DNAH9: variants seen among roughly 807,000 people sequenced by gnomAD.
DNAH9 encodes the protein DNAH9 variant protein.
DNAH9 carries 345 observed loss-of-function variants against 471.6 expected under a neutral mutation model. The observed-to-expected ratio is 0.73, with a 90% CI of 0.67 to 0.80. The LOEUF is 0.80. Ranked by LOEUF, DNAH9 falls within the 30% of genes least tolerant of loss-of-function variation. The probability of loss-of-function intolerance (pLI) is 0.00; values close to 1 mark genes in which losing one functional copy is unlikely to be tolerated. For missense variants in DNAH9, 5,407 were observed against 5,609.2 expected (o/e 0.96, Z 1.15); for synonymous variants, 2,093 against 2,123.6 (o/e 0.99, Z 0.40).
At chr17:11,669,879 A>C in intron 17 of DNAH9, 85 bp downstream of exon 17, 3 of 1,172,774 alleles carry the variant, frequency 2.6e-6, no homozygotes, top group Non-Finnish European at 3.6e-6. Flanking sequence ...TTTTTTCCCC[A>C]TGGGTATGTT....
At chr17:11,773,711 T>C (rs1597625718) in intron 38 of DNAH9, among the ~76,000 whole-genome samples, 1 of 152,190 alleles carries the variant, frequency 6.6e-6, no homozygotes, top group Non-Finnish European at 1.5e-5. Context: ...TTATGTTTAA[T>C]TATAAAATAT....
At chr17:11,793,766 C>T in intron 42 of DNAH9, 102 bp downstream of exon 42, 1 of 1,043,224 alleles carries the variant, frequency 9.6e-7, no homozygotes, top group Non-Finnish European at 1.4e-6. Context: ...TGGAGAAAGG[C>T]CAGAGTTTAG....
chr17:11,677,420 T>A (rs903068752), intron 17 of DNAH9, among the ~76,000 whole-genome samples: 6 of 152,184 alleles, frequency 3.9e-5, no homozygotes, highest in African/African-American at 1.4e-4. Context: ...GCAATATGTC[T>A]TGTACTAAAG....
At chr17:11,650,554 T>C (rs1031699823) in intron 12 of DNAH9, among the ~76,000 whole-genome samples, 2 of 152,208 alleles carry the variant, frequency 1.3e-5, no homozygotes, top group African/African-American at 4.8e-5. Flanking sequence ...TTCCAAATGA[T>C]TACATTGAAT....
intron 30 of DNAH9, among the ~76,000 whole-genome samples, chr17:11,743,066 CTGTA>C (rs2075455979): frequency 6.6e-6 from 1 of 152,146 alleles, no homozygotes; most frequent in East Asian, 1.9e-4. Flanking sequence ...ATTCAGTGAT[CTGTA>C]CCACAGCTCC....
rs570303852 is a variant in DNAH9 at position 11,935,664 on chromosome 17, G to A, written c.12489+1593G>A. ...GCTGGGATTACAGGCGTGAGCCACC[G>A]CGCCCGGCCCGAAAGATATTTTTTA... On this transcript the variant is annotated intron_variant, in intron 65 of 68. Coordinates refer to ENST00000262442, the MANE Select transcript of DNAH9 (RefSeq NM_001372.4). Among the ~76,000 whole-genome samples the A allele has an allele frequency of 5.8e-4, 88 of 151,946 alleles. 1 individual carries two copies. Among genetic ancestry groups the A allele is most frequent in the Non-Finnish European group, 8.8e-4 (60 of 67,980 alleles).
intron 43 of DNAH9, among the ~76,000 whole-genome samples, chr17:11,803,218 C>A (rs567495362): frequency 1.3e-5 from 2 of 152,200 alleles, no homozygotes; most frequent in Admixed American, 1.3e-4. Flanking sequence ...TCTTTTCCCC[C>A]GCTTTTGGCA....
At chr17:11,961,837 C>A in intron 67 of DNAH9, 30 bp from the exon 68 acceptor site, 2 of 1,566,698 alleles carry the variant, frequency 1.3e-6, no homozygotes, top group Non-Finnish European at 1.7e-6. Flanking sequence ...CACCTTCTCA[C>A]GCTTTCCCCC....
chr17:11,739,015 G>A lies in DNAH9; in HGVS notation c.5950G>A (p.Glu1984Lys). The part of the protein sequence containing the change: ...PGYAGRTELP[E>K]NLKSLFRPCA... ...CTATGCTGGCCGCACAGAGCTGCCA[G>A]AGAATCTCAAGTCTCTCTTCAGGTG... Residue 1984 changes from glutamate (E) to lysine (K), a missense_variant, in exon 29 of 69, where the codon GAG (glutamate) becomes AAG (lysine). By Grantham distance (56) the Glu-to-Lys change is moderately conservative. Coordinates refer to ENST00000262442, the MANE Select transcript of DNAH9 (RefSeq NM_001372.4). 1 of 1,613,942 alleles carries A rather than the reference G, an allele frequency of 6.2e-7. No homozygotes were observed. Among genetic ancestry groups the A allele is most frequent in the Non-Finnish European group, 8.5e-7 (1 of 1,179,814 alleles).
chr17:11,892,056 A>G lies in DNAH9; in HGVS notation c.11283+109A>G, dbSNP rs772163006. ...ACATCACTTTCCACAGCATGTCCAG[A>G]CTATCTGTCTTTGGATAGAGGCATC... is the stretch of plus-strand genomic sequence containing the variant. On this transcript the variant is annotated intron_variant, in intron 58 of 68. Coordinates refer to ENST00000262442, the MANE Select transcript of DNAH9 (RefSeq NM_001372.4). The surrounding 1 kb of genome is among the most constrained non-coding windows in gnomAD (Gnocchi z 4.3). The G allele has an allele frequency of 5.1e-4, 677 of 1,316,286 alleles. No individual in the cohort carries two copies. Among genetic ancestry groups the G allele is most frequent in the Non-Finnish European group, 6.3e-4 (596 of 942,234 alleles). The allele number at this position is 1,316,286 out of a possible 1,614,324, so 81.5% of individuals were successfully genotyped here. A position where few individuals can be genotyped will look rare whatever the true frequency, so the allele number is the denominator to read the frequency against.
intron 49 of DNAH9, among the ~76,000 whole-genome samples, chr17:11,840,521 T>C (rs2063773414): frequency 6.6e-6 from 1 of 152,228 alleles, no homozygotes; most frequent in African/African-American, 2.4e-5. Context: ...GAAGTATAAT[T>C]GCTTGACAGA....
intron 17 of DNAH9, among the ~76,000 whole-genome samples, chr17:11,675,440 A>G (rs1225751754): frequency 6.6e-6 from 1 of 152,028 alleles, no homozygotes; most frequent in Non-Finnish European, 1.5e-5. Flanking sequence ...TCTGTCTCTT[A>G]TCTTACCACT....
intron 6 of DNAH9, among the ~76,000 whole-genome samples, chr17:11,628,075 C>T (rs57395997): frequency 8.0e-4 from 122 of 152,154 alleles, no homozygotes; most frequent in African/African-American, 2.8e-3. Flanking sequence ...TCCCACAGTC[C>T]ACACCAAATG....
intron 22 of DNAH9, among the ~76,000 whole-genome samples, chr17:11,698,287 ATAAT>A (rs1299041251): frequency 1.5e-5 from 2 of 133,500 alleles, no homozygotes; most frequent in Admixed American, 8.1e-5. Flanking sequence ...TTATATATTA[ATAAT>A]TATATATTAG....
chr17:11,717,871 A>G lies in DNAH9; in HGVS notation c.5553-1463A>G, dbSNP rs375277613. Among the ~76,000 whole-genome samples, 20 of 152,278 alleles carry G rather than the reference A, an allele frequency of 1.3e-4. No individual in the cohort carries two copies. In the East Asian group the frequency reaches 1.9e-3, roughly 15 times the overall value. ...CTGGACATTTCATATCAATGGAATG[A>G]CAACATATAATCTCTTTTTTGAGAC... On this transcript the variant is annotated intron_variant, in intron 26 of 68. Coordinates refer to ENST00000262442, the MANE Select transcript of DNAH9 (RefSeq NM_001372.4).
intron 45 of DNAH9, among the ~76,000 whole-genome samples, chr17:11,817,792 T>C (rs1054065864): frequency 1.3e-5 from 2 of 152,226 alleles, no homozygotes; most frequent in African/African-American, 2.4e-5. Context: ...AGGAATTTTA[T>C]ATGCATGTCA....
At chr17:11,858,222 G>C (rs1025026500) in intron 50 of DNAH9, among the ~76,000 whole-genome samples, 2 of 152,188 alleles carry the variant, frequency 1.3e-5, no homozygotes, top group South Asian at 2.1e-4. Flanking sequence ...ATCACACACA[G>C]AGTGAAATAT....
Position 11,834,700 on chromosome 17 carries a change from T to G in DNAH9, c.9309T>G (p.Asp3103Glu). The change falls in exon 49 of 69, where the codon GAT becomes GAG. Residue 3103 changes from aspartate to glutamate, a missense_variant. Transcript: ENST00000262442. The part of the protein sequence containing the change: ...QEVELKQKNE[D>E]ADKLIQVVGV... ...TAGAGCTGAAGCAGAAAAATGAAGA[T>G]GCAGACAAACTGATTCAGGTCGTGG... 1.2e-6 allele frequency: 2 copies of G among 1,614,012 alleles called. No homozygotes were observed. Among genetic ancestry groups the G allele is most frequent in the Non-Finnish European group, 1.7e-6 (2 of 1,179,982 alleles).
At chr17:11,768,430 C>T (rs749580760) in intron 36 of DNAH9, 23 bp from the exon 37 acceptor site, 2 of 1,608,110 alleles carry the variant, frequency 1.2e-6, no homozygotes, top group African/African-American at 2.7e-5. Flanking sequence ...GACCTTGTCC[C>T]CTGACTGTCT....
Sources: allele counts gnomAD v4.1 joint callset (sites outside exome capture counted in the v4.1 genomes callset), GRCh38; gene constraint gnomAD v4.1.1; non-coding constraint Gnocchi (gnomAD v3.1); transcripts MANE v1.5; gene names NCBI Gene and HGNC (gene_info 2026-07-23, HGNC 2026-07-21).